TMEM132D: variants seen among roughly 807,000 people sequenced by gnomAD.
The protein encoded by TMEM132D is transmembrane protein 132D.
Under a neutral mutation model 62.3 loss-of-function variants are expected in TMEM132D, and 21 were observed. That is an observed-to-expected ratio of 0.34 (90% CI 0.24 to 0.49). The LOEUF is 0.49. Ranked by LOEUF, TMEM132D falls within the 20% of genes least tolerant of loss-of-function variation. The probability of loss-of-function intolerance (pLI) is 0.99; values close to 1 mark genes in which losing one functional copy is unlikely to be tolerated. For missense variants in TMEM132D, 1,346 were observed against 1,402.8 expected (o/e 0.96, Z 0.65); for synonymous variants, 621 against 575.6 (o/e 1.08, Z -1.13).
rs1432869067 is a variant in TMEM132D at position 129,211,680 on chromosome 12, A to G, written c.1300-2017T>C. Among the ~76,000 whole-genome samples the G allele has an allele frequency of 2.6e-5, 4 of 152,354 alleles. No individual in the cohort carries two copies. In the South Asian group the frequency reaches 6.2e-4, roughly 24 times the overall value. On this transcript the variant is annotated intron_variant, in intron 4 of 8. Coordinates refer to ENST00000422113, the MANE Select transcript of TMEM132D (RefSeq NM_133448.3). ...TATTATTCATTATTTTAATTCTAAA[A>G]GACAAGACTCCAATTTGGAATGCTC...
At chr12:129,579,526 A>G (rs1171386507) in intron 2 of TMEM132D, among the ~76,000 whole-genome samples, 1 of 152,202 alleles carries the variant, frequency 6.6e-6, no homozygotes, top group Non-Finnish European at 1.5e-5. Context: ...GTCTGTGGCT[A>G]AAGGCCTGAG....
intron 3 of TMEM132D, among the ~76,000 whole-genome samples, chr12:129,375,135 ACAT>A (rs1408046061): frequency 1.3e-5 from 2 of 152,224 alleles, no homozygotes; most frequent in African/African-American, 2.4e-5. Context: ...TCTTTATTTC[ACAT>A]CATTTCTTCC....
intron 2 of TMEM132D, among the ~76,000 whole-genome samples, chr12:129,628,865 T>A (rs915303644): frequency 6.6e-6 from 1 of 152,120 alleles, no homozygotes; most frequent in Non-Finnish European, 1.5e-5. Context: ...ATCAGTTTCC[T>A]GTCCTTCTCC....
intron 1 of TMEM132D, among the ~76,000 whole-genome samples, chr12:129,793,792 C>T (rs1462639256): frequency 6.6e-6 from 1 of 152,194 alleles, no homozygotes; most frequent in Non-Finnish European, 1.5e-5. Flanking sequence ...CCAAAACATG[C>T]CTTAAACTTG....
At chr12:129,536,310 T>C (rs984496054) in intron 2 of TMEM132D, among the ~76,000 whole-genome samples, 2 of 152,228 alleles carry the variant, frequency 1.3e-5, no homozygotes, top group Non-Finnish European at 2.9e-5. Context: ...AGTTAATTGA[T>C]GGAAACATGC....
chr12:129,583,332 A>G (rs1877931862), intron 2 of TMEM132D, among the ~76,000 whole-genome samples: 1 of 152,146 alleles, frequency 6.6e-6, no homozygotes, highest in Non-Finnish European at 1.5e-5. Flanking sequence ...GGTCTAGTGG[A>G]GAGGGAGGGA....
intron 5 of TMEM132D, among the ~76,000 whole-genome samples, chr12:129,206,713 C>G (rs889296250): frequency 1.3e-5 from 2 of 152,176 alleles, no homozygotes; most frequent in Admixed American, 1.3e-4. Flanking sequence ...AAATGGCCAT[C>G]AGTGCTAGAC....
intron 2 of TMEM132D, among the ~76,000 whole-genome samples, chr12:129,674,527 A>G (rs1880581849): frequency 6.6e-6 from 1 of 152,042 alleles, no homozygotes; most frequent in Admixed American, 6.6e-5. Context: ...AACTCTACAT[A>G]TGTTTTATGT....
intron 3 of TMEM132D, among the ~76,000 whole-genome samples, chr12:129,388,306 T>C (rs112034316): frequency 2.5e-4 from 20 of 80,774 alleles, no homozygotes; most frequent in African/African-American, 2.8e-4. Flanking sequence ...ATATTAACAC[T>C]AACATGAATC....
chr12:129,403,130 T>C (rs896764934), intron 3 of TMEM132D, among the ~76,000 whole-genome samples: 1 of 151,740 alleles, frequency 6.6e-6, no homozygotes, highest in Non-Finnish European at 1.5e-5. Flanking sequence ...CCAAACAATA[T>C]TCTTCATCTG....
chr12:129,870,152 T>G (rs1333292158), intron 1 of TMEM132D, among the ~76,000 whole-genome samples: 2 of 152,042 alleles, frequency 1.3e-5, no homozygotes, highest in Non-Finnish European at 2.9e-5. Flanking sequence ...CCAGCTAATT[T>G]TTGTATTTTT....
intron 1 of TMEM132D, among the ~76,000 whole-genome samples, chr12:129,832,826 C>T (rs1872885741): frequency 6.6e-6 from 1 of 152,172 alleles, no homozygotes; most frequent in Admixed American, 6.5e-5. Context: ...TTCAAAGGCA[C>T]CGTCTCCAAT....
At chr12:129,187,040 A>G (rs1344646249) in intron 5 of TMEM132D, among the ~76,000 whole-genome samples, 2 of 152,198 alleles carry the variant, frequency 1.3e-5, no homozygotes, top group Non-Finnish European at 2.9e-5. Flanking sequence ...TTTGATCTCA[A>G]TCCCCTCCAC....
chr12:129,660,727 T>C (rs1880216556), intron 2 of TMEM132D, among the ~76,000 whole-genome samples: 1 of 152,170 alleles, frequency 6.6e-6, no homozygotes, highest in African/African-American at 2.4e-5. Context: ...AATGTACTAA[T>C]GACAATACTC....
intron 4 of TMEM132D, among the ~76,000 whole-genome samples, chr12:129,304,984 A>G (rs189404762): frequency 1.7e-4 from 26 of 152,270 alleles, no homozygotes; most frequent in Admixed American, 1.4e-3. Flanking sequence ...TTGGCCCTCA[A>G]TGAAACCTTT....
chr12:129,896,016 G>C (rs1040257911), intron 1 of TMEM132D, among the ~76,000 whole-genome samples: 1 of 148,174 alleles, frequency 6.7e-6, no homozygotes, highest in Non-Finnish European at 1.5e-5. Flanking sequence ...TGTCACTCAG[G>C]TTAGAGTGTA....
chr12:129,209,497 G>A (rs1878960096), intron 5 of TMEM132D, 23 bp downstream of exon 5: 1 of 1,612,776 alleles, frequency 6.2e-7, no homozygotes, highest in African/African-American at 1.3e-5. Context: ...GGTTTCTGCA[G>A]GGGCGGGGAG....
intron 1 of TMEM132D, among the ~76,000 whole-genome samples, chr12:129,844,653 T>C (rs1873303252): frequency 1.3e-5 from 2 of 152,150 alleles, no homozygotes; most frequent in South Asian, 4.1e-4. Flanking sequence ...CTTGGAGAAA[T>C]TTCTTCAGTG....
intron 1 of TMEM132D, among the ~76,000 whole-genome samples, chr12:129,881,822 T>C (rs1874605876): frequency 6.6e-6 from 1 of 151,280 alleles, no homozygotes; most frequent in African/African-American, 2.4e-5. Flanking sequence ...TAAAGAAAAA[T>C]CAATGAAAAT....
Sources: allele counts gnomAD v4.1 joint callset (sites outside exome capture counted in the v4.1 genomes callset), GRCh38; gene constraint gnomAD v4.1.1; transcripts MANE v1.5; gene names NCBI Gene and HGNC (gene_info 2026-07-23, HGNC 2026-07-21).